COL18A1: variants seen among roughly 807,000 people sequenced by gnomAD.
The protein encoded by COL18A1 is collagen alpha-1(XVIII) chain.
A neutral mutation model predicts 168.0 loss-of-function variants in COL18A1; 133 were observed. The observed-to-expected ratio is 0.79, with a 90% CI of 0.69 to 0.91. COL18A1 has a LOEUF of 0.91. Ranked by LOEUF, COL18A1 falls within the 40% of genes least tolerant of loss-of-function variation. The probability of loss-of-function intolerance (pLI) is 0.00; values close to 1 mark genes in which losing one functional copy is unlikely to be tolerated. For synonymous variants in COL18A1, 949 were observed against 809.0 expected, an observed-to-expected ratio of 1.17 and a Z score of -2.94; for missense variants, 2,126 against 1,925.4, an observed-to-expected ratio of 1.10 and a Z score of -1.95.
chr21:45,435,303 G>A (rs1189899659), intron 2 of COL18A1, among the ~76,000 whole-genome samples: 22 of 129,250 alleles, frequency 1.7e-4, no homozygotes, highest in Admixed American at 1.5e-3. Flanking sequence ...GAGGAAGGTG[G>A]GGTGGGGGTG....
intron 32 of COL18A1, among the ~76,000 whole-genome samples, chr21:45,500,282 G>T (rs114668173): frequency 2.1e-3 from 108 of 50,580 alleles, no homozygotes; most frequent in Middle Eastern, 0.012. Flanking sequence ...GTGTGTAGTG[G>T]GGGTGTGTGG....
chr21:45,497,363 G>A (rs1326135672), intron 31 of COL18A1, among the ~76,000 whole-genome samples: 2 of 152,336 alleles, frequency 1.3e-5, no homozygotes, highest in South Asian at 2.1e-4. Context: ...AAGCAGCCCC[G>A]TCCCTCCTGT....
intron 33 of COL18A1, 80 bp from the exon 34 acceptor site, chr21:45,504,336 C>A: frequency 6.9e-7 from 1 of 1,455,108 alleles, no homozygotes; most frequent in Non-Finnish European, 9.4e-7. Context: ...GACTGCCCAG[C>A]CCTGGCTCGG....
At chr21:45,435,207 G>C (rs907488192) in intron 2 of COL18A1, among the ~76,000 whole-genome samples, 99 of 146,470 alleles carry the variant, frequency 6.8e-4, no homozygotes, top group Non-Finnish European at 1.2e-3. Context: ...GTGGGTAGGG[G>C]GTCGATGGGA....
chr21:45,409,159 C>T (rs912406443), intron 2 of COL18A1, among the ~76,000 whole-genome samples: 1 of 151,612 alleles, frequency 6.6e-6, no homozygotes, highest in Non-Finnish European at 1.5e-5. Flanking sequence ...TGCCACCCTC[C>T]AGGCTGTCTG....
chr21:45,493,524 C>A lies in COL18A1; in HGVS notation c.2301C>A (p.Ser767Arg). 1 of 1,562,130 alleles carries A rather than the reference C, an allele frequency of 6.4e-7. No individual in the cohort carries two copies. The highest frequency in any genetic ancestry group is 8.7e-7 in the Non-Finnish European group (1 of 1,154,162). The change falls in exon 26 of 42, where the codon AGC (serine) becomes AGA (arginine). Residue 767 changes from serine to arginine, a missense_variant. Ser to Arg is a moderately radical substitution (Grantham distance 110, BLOSUM62 -1). Coordinates refer to ENST00000651438, the MANE Select transcript of COL18A1 (RefSeq NM_001379500.1). ...GPKGEKGEPG[S>R]IFSPDGGALG... ...AGGGTGAGAAGGGTGAACCGGGCAG[C>A]ATCTTCAGCCCCGACGGCGGTGCCC...
At chr21:45,420,551 T>C (rs2033589543) in intron 2 of COL18A1, 1 of 152,060 alleles carries the variant, frequency 6.6e-6, no homozygotes, top group African/African-American at 2.4e-5. Context: ...TGCTGTCAGC[T>C]CATGACACCG....
At chr21:45,437,355 T>TGC (rs766782233) in intron 2 of COL18A1, among the ~76,000 whole-genome samples, 7,938 of 38,324 alleles carry the variant, frequency 0.21, 1,134 homozygotes, top group Non-Finnish European at 0.22. Context: ...GGCACTCTCC[T>TGC]GCGCACACAC....
intron 2 of COL18A1, among the ~76,000 whole-genome samples, chr21:45,446,646 A>G (rs1344560280): frequency 1.3e-5 from 2 of 152,234 alleles, no homozygotes; most frequent in Admixed American, 6.5e-5. Context: ...TTCTCAATTC[A>G]TTTTATGAGA....
chr21:45,478,949 A>C (rs2035780082), intron 9 of COL18A1, among the ~76,000 whole-genome samples: 1 of 152,212 alleles, frequency 6.6e-6, no homozygotes, highest in Non-Finnish European at 1.5e-5. Context: ...CATGGTGCCC[A>C]CCGAACGGTC....
chr21:45,491,383 G>A lies in COL18A1; in HGVS notation c.2157+69G>A, dbSNP rs1401607331. ...CCACGGGGTGCAGAGATCCCTCCCC[G>A]AGCCCCCCCCACACCCCCACATCCC... On this transcript the variant is annotated intron_variant, in intron 22 of 41. Transcript: ENST00000651438. 2.2e-5 allele frequency: 15 copies of A among 691,652 alleles called. No individual in the cohort carries two copies. The East Asian group carries it at 2.2e-4, about 10-fold the overall frequency. The allele number at this position is 691,652 out of a possible 1,614,324, so 42.8% of individuals were successfully genotyped here.
rs2036189503 is a variant in COL18A1, at chr21:45,488,423, TCCCGGCCTG to T, written c.1905_1913del (p.Pro638_Leu640del). ...TGTCTCCTCTGCCCTGACAGGGACC[TCCCGGCCTG>T]CCGGGACTTAAGGTCAGTGACGGAT... On this transcript the variant is annotated inframe_deletion, in exon 18 of 42. Transcript: ENST00000651438. 3 of 1,613,764 alleles carry T rather than the reference TCCCGGCCTG, an allele frequency of 1.9e-6. No homozygotes were observed. The South Asian group carries it at 3.3e-5, about 18-fold the overall frequency.
At chr21:45,504,148 C>T in intron 33 of COL18A1, 94 bp downstream of exon 33, 1 of 1,430,522 alleles carries the variant, frequency 7.0e-7, no homozygotes, top group Non-Finnish European at 9.8e-7. Flanking sequence ...CGGCCCAAGC[C>T]CCCTTCCTGT....
chr21:45,494,706 G>A, intron 27 of COL18A1, 135 bp downstream of exon 27: 1 of 1,405,544 alleles, frequency 7.1e-7, no homozygotes, highest in Non-Finnish European at 1.0e-6. Flanking sequence ...AGCGTGTGGG[G>A]CAGGTGTCGG....
rs928874299 is a variant in COL18A1, at chr21:45,416,444, G to A, written c.106+10971G>A. On this transcript the variant is annotated intron_variant, in intron 2 of 41. Transcript: ENST00000651438. ...GGACCGCGAGGCTCCGCACTGGTGTGGGGGTGGCCGGGGCAGGGCGGTGTT... is the reference window on the plus strand; with the variant it reads ...GGACCGCGAGGCTCCGCACTGGTGTAGGGGTGGCCGGGGCAGGGCGGTGTT... Among the ~76,000 whole-genome samples, 3 of 152,202 alleles carry A rather than the reference G, an allele frequency of 2.0e-5. No homozygotes were observed. The East Asian group carries it at 5.8e-4, about 29-fold the overall frequency.
At chr21:45,444,645 G>A (rs1325190658) in intron 2 of COL18A1, among the ~76,000 whole-genome samples, 2 of 152,120 alleles carry the variant, frequency 1.3e-5, no homozygotes, top group African/African-American at 4.8e-5. Flanking sequence ...GGCGAGAGAG[G>A]CTCCGGGGAG....
At chr21:45,406,237 G>T (rs921654932) in intron 2 of COL18A1, among the ~76,000 whole-genome samples, 5 of 152,174 alleles carry the variant, frequency 3.3e-5, no homozygotes, top group African/African-American at 9.6e-5. Flanking sequence ...CCCCAGGGGA[G>T]CCCCGCCCAA....
intron 30 of COL18A1, 63 bp downstream of exon 30, chr21:45,496,631 A>T: frequency 6.0e-6 from 5 of 836,138 alleles, no homozygotes; most frequent in Non-Finnish European, 8.5e-6. Context: ...AGCCCCACAG[A>T]GGGGCTGGGC....
At chr21:45,499,096 C>T (rs764764473) in intron 32 of COL18A1, among the ~76,000 whole-genome samples, 2 of 152,166 alleles carry the variant, frequency 1.3e-5, no homozygotes, top group African/African-American at 2.4e-5. Flanking sequence ...ATTAGAGTGA[C>T]GAGATTTCTC....
Sources: gnomAD v4.1 joint callset for allele counts (sites outside exome capture counted in the v4.1 genomes callset) on GRCh38, gnomAD v4.1.1 for gene constraint, MANE v1.5 for transcripts, NCBI Gene and HGNC (gene_info 2026-07-23, HGNC 2026-07-21) for gene names.